The following NBAS variants were observed in gnomAD, a reference collection of about 807,000 sequenced individuals.
NBAS encodes NBAS subunit of NRZ tethering complex.
In NBAS, 219 loss-of-function variants were observed where a neutral mutation model predicts 302.5. That is an observed-to-expected ratio of 0.72 (90% confidence interval 0.65 to 0.81). The LOEUF (loss-of-function observed/expected upper bound fraction) is 0.81, where lower values mean the gene tolerates loss of function less well. Ranked by LOEUF, NBAS falls within the 30% of genes least tolerant of loss-of-function variation. NBAS has a pLI of 0.00. For missense variants in NBAS, 2,932 were observed against 2,841.6 expected (o/e 1.03, Z -0.72); for synonymous variants, 1,118 against 1,021.6 (o/e 1.09, Z -1.80).
intron 38 of NBAS, among the ~76,000 whole-genome samples, chr2:15,322,120 C>G (rs1337799734): frequency 4.0e-5 from 6 of 151,852 alleles, no homozygotes; most frequent in Non-Finnish European, 7.4e-5. Context: ...CCATCATTCT[C>G]AGCAAACTAT....
chr2:14,833,292 C>T, the NBAS span, among the ~76,000 whole-genome samples: 1 of 152,134 alleles, frequency 6.6e-6, no homozygotes. Context: ...ACATAATGGA[C>T]TCCCACTTGC....
chr2:15,024,399 C>T, the NBAS span, among the ~76,000 whole-genome samples: 1 of 152,032 alleles, frequency 6.6e-6, no homozygotes, highest in African/African-American at 2.4e-5. Context: ...TAGGTTGATT[C>T]CATGTCTTTG....
chr2:14,893,971 TCTGCTTC>T, the NBAS span, among the ~76,000 whole-genome samples: 1 of 152,240 alleles, frequency 6.6e-6, no homozygotes, highest in Non-Finnish European at 1.5e-5. Flanking sequence ...TGAATAGAGT[TCTGCTTC>T]CTGCTGGGAT....
the NBAS span, among the ~76,000 whole-genome samples, chr2:15,005,151 C>T: frequency 6.6e-6 from 1 of 152,214 alleles, no homozygotes; most frequent in South Asian, 2.1e-4. Flanking sequence ...TAACACAAAA[C>T]CTACCACCTT....
the NBAS span, among the ~76,000 whole-genome samples, chr2:14,904,877 G>C: frequency 1.3e-5 from 2 of 148,972 alleles, no homozygotes; most frequent in African/African-American, 5.1e-5. Context: ...GTGAAACGCT[G>C]TCTCTACTAA....
At chr2:15,427,649 A>G (rs529588535) in intron 22 of NBAS, 62 bp downstream of exon 22, 1,210 of 1,354,140 alleles carry the variant, frequency 8.9e-4, no homozygotes, top group Non-Finnish European at 1.2e-3. Context: ...CCACTTTCAC[A>G]GGGCCATCAG....
intron 51 of NBAS, among the ~76,000 whole-genome samples, chr2:15,175,028 C>T (rs937064274): frequency 4.6e-5 from 7 of 152,024 alleles, no homozygotes; most frequent in African/African-American, 1.2e-4. Flanking sequence ...AGTGCAGTGG[C>T]GCGATCTCAG....
chr2:15,473,236 T>C lies in NBAS; in HGVS notation c.1711A>G (p.Ile571Val). The C allele has an allele frequency of 1.2e-6, 2 of 1,614,080 alleles. No homozygotes were observed. Among genetic ancestry groups the C allele is most frequent in the South Asian group, 1.1e-5 (1 of 91,076 alleles). Residue 571 changes from isoleucine (I) to valine (V), a missense_variant, in exon 16 of 52, where the codon ATT (isoleucine) becomes GTT (valine). Transcript: ENST00000281513. The part of the protein sequence containing the change: ...WRKSAVNVAS[I>V]QNYLSKIKKR... ...TTTAAACATACCAAATAATTCTGAA[T>C]TGAAGCAACGTTGACCGCTGACTTC...
the NBAS span, among the ~76,000 whole-genome samples, chr2:14,956,348 A>G: frequency 2.0e-5 from 3 of 152,262 alleles, no homozygotes; most frequent in South Asian, 6.2e-4. Flanking sequence ...AGGAAGTTCC[A>G]AACTTTCCCA....
In NBAS at chr2:15,475,680, G is replaced by T. The variant is rs1371368520; in HGVS notation, c.1341+7C>A. The T allele has an allele frequency of 5.0e-6, 8 of 1,613,520 alleles. No homozygotes were observed. Among genetic ancestry groups the T allele is most frequent in the Admixed American group, 3.3e-5 (2 of 59,984 alleles). On this transcript the variant is annotated splice_region_variant and intron_variant, in intron 14 of 51. Transcript: ENST00000281513. ...ACTATTCTCAAACAAACAGGAAAAA[G>T]CCTTACCTCCAAACTTAAAAATCCC...
intron 32 of NBAS, among the ~76,000 whole-genome samples, chr2:15,358,347 C>T (rs1673724620): frequency 6.6e-6 from 1 of 152,110 alleles, no homozygotes; most frequent in Admixed American, 6.5e-5. Flanking sequence ...AGCCCAAACC[C>T]TAAAATAAAA....
At position 15,325,792 on chromosome 2, in the gene NBAS, A is replaced by C. The variant is rs535670110; in HGVS notation, c.4582+1958T>G. On this transcript the variant is annotated intron_variant, in intron 38 of 51. Transcript: ENST00000281513. The stretch of plus-strand genomic sequence containing the variant: ...TTCCTCTGCATTCACAACTTGGCTA[A>C]CTATTTGGGGCAAGATGCCTAGCTT... Among the ~76,000 whole-genome samples, 6 of 152,292 alleles carry C rather than the reference A, an allele frequency of 3.9e-5. No individual in the cohort carries two copies. In the South Asian group the frequency reaches 1.0e-3, roughly 26 times the overall value.
intron 29 of NBAS, 80 bp downstream of exon 29, chr2:15,383,135 G>A: frequency 8.3e-7 from 1 of 1,202,226 alleles, no homozygotes; most frequent in Non-Finnish European, 1.2e-6. Flanking sequence ...GTAGCTTATG[G>A]TCATCAATCT....
chr2:15,313,211 A>T (rs1671355555), intron 38 of NBAS, among the ~76,000 whole-genome samples: 1 of 152,192 alleles, frequency 6.6e-6, no homozygotes, highest in East Asian at 1.9e-4. Flanking sequence ...TCAGTCTGCT[A>T]TCCAAACTCT....
intron 38 of NBAS, 120 bp from the exon 39 acceptor site, chr2:15,309,367 G>C: frequency 2.6e-6 from 2 of 782,654 alleles, no homozygotes; most frequent in Non-Finnish European, 4.2e-6. Context: ...AGACCTTTTA[G>C]GAAAGGCTGT....
the NBAS span, among the ~76,000 whole-genome samples, chr2:15,095,328 C>T: frequency 1.3e-5 from 2 of 152,268 alleles, no homozygotes; most frequent in Admixed American, 1.3e-4. Flanking sequence ...CTGGGGAGGC[C>T]TCACAATCAT....
the NBAS span, among the ~76,000 whole-genome samples, chr2:14,831,534 G>A: frequency 4.8e-3 from 736 of 152,136 alleles, 11 homozygotes; most frequent in South Asian, 0.036. Context: ...ACATAGTCAT[G>A]CAATTTTTCT....
intron 21 of NBAS, among the ~76,000 whole-genome samples, chr2:15,451,054 T>C (rs1678983653): frequency 6.6e-6 from 1 of 150,524 alleles, no homozygotes; most frequent in Admixed American, 6.6e-5. Context: ...ATTCATCCAT[T>C]TATTTATTTA....
chr2:15,106,451 G>C, the NBAS span, among the ~76,000 whole-genome samples: 4 of 147,852 alleles, frequency 2.7e-5, no homozygotes, highest in African/African-American at 7.6e-5. Context: ...CTCTGTCTCT[G>C]TCTCTCTCTC....
Sources: gnomAD v4.1 joint callset for allele counts (sites outside exome capture counted in the v4.1 genomes callset) on GRCh38, gnomAD v4.1.1 for gene constraint, MANE v1.5 for transcripts, NCBI Gene and HGNC (gene_info 2026-07-23, HGNC 2026-07-21) for gene names.